Variants in TSEN15 observed in about 807,000 individuals in gnomAD.
TSEN15 encodes tRNA splicing endonuclease subunit 15.
TSEN15 carries 10 observed loss-of-function variants against 20.5 expected under a neutral mutation model. That is an observed-to-expected ratio of 0.49 (90% CI 0.30 to 0.83). TSEN15 has a LOEUF of 0.83. Among genes scored for constraint, TSEN15 ranks in the 40% least tolerant of loss-of-function variants. The pLI is 0.06. For synonymous variants in TSEN15, 72 were observed against 80.1 expected, an observed-to-expected ratio of 0.90 and a Z score of 0.54; for missense variants, 180 against 218.6, an observed-to-expected ratio of 0.82 and a Z score of 1.11.
intron 3 of TSEN15, among the ~76,000 whole-genome samples, chr1:184,068,503 C>G (rs7549806): frequency 0.027 from 4,181 of 152,196 alleles, 193 homozygotes; most frequent in African/African-American, 0.096. Flanking sequence ...TTAACTGATA[C>G]AGCATTTTTT....
intron 1 of TSEN15, among the ~76,000 whole-genome samples, chr1:184,053,763 G>C (rs1391445857): frequency 1.3e-5 from 2 of 152,176 alleles, no homozygotes; most frequent in African/African-American, 4.8e-5. Context: ...TACTCTTAAA[G>C]TGAGAAAGAG....
At chr1:184,095,339 A>T (rs951776738) in intron 3 of TSEN15, 2 of 388,946 alleles carry the variant, frequency 5.1e-6, no homozygotes, top group African/African-American at 4.1e-5. Flanking sequence ...CTTTGGGCAA[A>T]TTAATGAGCT....
intron 3 of TSEN15, chr1:184,095,509 G>A (rs1376472226): frequency 2.6e-6 from 1 of 391,430 alleles, no homozygotes; most frequent in East Asian, 3.6e-5. Flanking sequence ...TTGGAGTTAG[G>A]CCCTATATGG....
chr1:184,075,330 C>A (rs1308669745), downstream of TSEN15, among the ~76,000 whole-genome samples: 10 of 152,030 alleles, frequency 6.6e-5, no homozygotes, highest in Non-Finnish European at 1.5e-5. Flanking sequence ...GGGAGGCCAC[C>A]CAGCTGTGTA....
intron 3 of TSEN15, among the ~76,000 whole-genome samples, chr1:184,088,585 ATTTT>A (rs199533895): frequency 8.2e-6 from 1 of 121,238 alleles, no homozygotes. Flanking sequence ...TGTTTTTTGT[ATTTT>A]TTTTTTTTTG....
In TSEN15 at chr1:184,073,306, T is replaced by G. The variant is rs1650961865; in HGVS notation, c.*459T>G. 6.5e-6 allele frequency: 1 copy of G among 154,286 alleles called. No homozygotes were observed. The highest frequency in any genetic ancestry group is 2.4e-5 in the African/African-American group (1 of 41,588). The allele number at this position is 154,286 out of a possible 1,614,324, so 9.6% of individuals were successfully genotyped here. A position where few individuals can be genotyped will look rare whatever the true frequency, so the allele number is the denominator to read the frequency against. On this transcript the variant is annotated 3_prime_UTR_variant, in exon 5 of 5. Coordinates refer to ENST00000645668, the MANE Select transcript of TSEN15 (RefSeq NM_052965.4). ...ATGTACCTTGTCACCCACTTCTGTT[T>G]ACTTTTTCCTCTCCAGTAAAAAGTA...
chr1:184,053,514 A>T (rs2102876354), intron 1 of TSEN15, among the ~76,000 whole-genome samples: 1 of 152,318 alleles, frequency 6.6e-6, no homozygotes, highest in African/African-American at 2.4e-5. Context: ...TGTCCTCCTG[A>T]ACCTGTACAG....
chr1:184,089,493 C>T (rs939956427), intron 3 of TSEN15, among the ~76,000 whole-genome samples: 1 of 151,988 alleles, frequency 6.6e-6, no homozygotes, highest in South Asian at 2.1e-4. Context: ...TGGCATATTC[C>T]CCTGGCAGAT....
chr1:184,089,896 C>A (rs1651327913), intron 3 of TSEN15, among the ~76,000 whole-genome samples: 1 of 152,120 alleles, frequency 6.6e-6, no homozygotes, highest in African/African-American at 2.4e-5. Context: ...CTCCACCCTC[C>A]ACCCTATCCT....
chr1:184,093,878 T>C (rs963246766), intron 3 of TSEN15: 1 of 152,238 alleles, frequency 6.6e-6, no homozygotes, highest in African/African-American at 2.4e-5. Context: ...AAACTATTTA[T>C]AGGCTTTACT....
At chr1:184,086,549 T>C (rs1350847277) in intron 3 of TSEN15, among the ~76,000 whole-genome samples, 1 of 152,202 alleles carries the variant, frequency 6.6e-6, no homozygotes, top group South Asian at 2.1e-4. Flanking sequence ...AGATATTAGC[T>C]AGGGCTTCCA....
Position 184,094,934 on chromosome 1 carries a change from C to T in TSEN15, c.354-756C>T, listed in dbSNP as rs531477560. 7 of 398,166 alleles carry T rather than the reference C, an allele frequency of 1.8e-5. No homozygotes were observed. In the South Asian group the frequency reaches 6.4e-4, roughly 37 times the overall value. The allele number at this position is 398,166 out of a possible 1,614,324, so 24.7% of individuals were successfully genotyped here. ...TGGAGGTGGCCTCTGACAGACATGG[C>T]CTCTGAGGAGTGTAGCACCAAACAC... is the stretch of plus-strand genomic sequence containing the variant. On this transcript the variant is annotated intron_variant, in intron 3 of 3. Transcript: ENST00000643231.
chr1:184,088,320 C>T (rs1358257848), intron 3 of TSEN15, among the ~76,000 whole-genome samples: 6 of 152,108 alleles, frequency 3.9e-5, no homozygotes, highest in African/African-American at 9.7e-5. Context: ...GATAAAGCAT[C>T]GGACGTTAAA....
At chr1:184,094,892 G>A in intron 3 of TSEN15, 1 of 396,666 alleles carries the variant, frequency 2.5e-6, no homozygotes, top group Non-Finnish European at 4.4e-6. Context: ...GGTGAACTGG[G>A]GTACTAGCTC....
intron 3 of TSEN15, chr1:184,055,170 T>TG (rs1650203105): frequency 9.1e-6 from 2 of 219,736 alleles, no homozygotes; most frequent in Admixed American, 1.1e-4. Flanking sequence ...TCAGGAAGCT[T>TG]ATAATCATGG....
In TSEN15 at chr1:184,074,127, T is replaced by G. The variant is rs1226630569; in HGVS notation, c.*1280T>G. 3 of 152,054 alleles carry G rather than the reference T, an allele frequency of 2.0e-5. No individual in the cohort carries two copies. The highest frequency in any genetic ancestry group is 2.0e-4 in the Admixed American group (3 of 15,252). 9.4% of individuals were successfully genotyped at this position (152,054 alleles called of 1,614,324 possible). ...AAATCAAATTACTAACTGGTTATAG[T>G]GGGATAGGAGGCAGAAAATGGATGA... On this transcript the variant is annotated 3_prime_UTR_variant, in exon 5 of 5. Coordinates refer to ENST00000645668, the MANE Select transcript of TSEN15 (RefSeq NM_052965.4).
intron 3 of TSEN15, among the ~76,000 whole-genome samples, chr1:184,081,258 C>T (rs1008405879): frequency 2.0e-5 from 3 of 152,142 alleles, no homozygotes; most frequent in Admixed American, 6.5e-5. Flanking sequence ...CAACAGCCAG[C>T]GAGTTCATTT....
At chr1:184,072,340 G>T (rs1276852869) in intron 4 of TSEN15, 42 bp downstream of exon 4, 3 of 1,559,268 alleles carry the variant, frequency 1.9e-6, no homozygotes, top group Non-Finnish European at 2.6e-6. Flanking sequence ...ACAAAAAGAG[G>T]AAAATTATGA....
chr1:184,072,805 T>C, intron 4 of TSEN15, 22 bp from the exon 5 acceptor site: 2 of 1,596,812 alleles, frequency 1.3e-6, no homozygotes, highest in South Asian at 2.3e-5. Context: ...GAAAAGTCCA[T>C]CCTGATCTTT....
Sources: allele counts gnomAD v4.1 joint callset (sites outside exome capture counted in the v4.1 genomes callset), GRCh38; gene constraint gnomAD v4.1.1; transcripts MANE v1.5; gene names NCBI Gene and HGNC (gene_info 2026-07-23, HGNC 2026-07-21).